Variants in NEK1 observed in about 807,000 individuals in gnomAD.
NEK1 encodes the protein NIMA related kinase 1.
Under a neutral mutation model 182.1 loss-of-function variants are expected in NEK1, and 137 were observed. The ratio of observed to expected loss-of-function variants is 0.75; its 90% CI spans 0.65 to 0.87. NEK1 has a LOEUF of 0.87. NEK1 is among the 40% of genes least tolerant of loss of function. NEK1 has a pLI of 0.00. For missense variants in NEK1, 1,391 were observed against 1,494.4 expected (o/e 0.93, Z 1.14); for synonymous variants, 513 against 492.2 (o/e 1.04, Z -0.56).
At chr4:169,514,678 T>C (rs900805890) in intron 19 of NEK1, among the ~76,000 whole-genome samples, 3 of 152,242 alleles carry the variant, frequency 2.0e-5, no homozygotes, top group African/African-American at 7.2e-5. Flanking sequence ...ATCCTTTTAA[T>C]TGTTACAAGA....
At chr4:169,593,164 T>C (rs1466098142) in intron 5 of NEK1, among the ~76,000 whole-genome samples, 1 of 151,078 alleles carries the variant, frequency 6.6e-6, no homozygotes, top group African/African-American at 2.4e-5. Context: ...AAAAAATTAA[T>C]GAAAGAGCTC....
intron 4 of NEK1, among the ~76,000 whole-genome samples, chr4:169,599,628 T>C (rs1049950399): frequency 1.3e-5 from 2 of 152,192 alleles, no homozygotes; most frequent in African/African-American, 4.8e-5. Flanking sequence ...TCCACTTTAA[T>C]CACTTACTTA....
chr4:169,437,848 A>G (rs1326862691), intron 28 of NEK1, among the ~76,000 whole-genome samples: 1 of 152,164 alleles, frequency 6.6e-6, no homozygotes, highest in African/African-American at 2.4e-5. Flanking sequence ...TCTTGACTCA[A>G]TTCCTGGCAC....
chr4:169,496,736 G>T (rs527630589), intron 23 of NEK1, among the ~76,000 whole-genome samples: 118 of 151,942 alleles, frequency 7.8e-4, no homozygotes, highest in African/African-American at 2.8e-3. Flanking sequence ...AACCAGCCTT[G>T]CATCCCAGGG....
chr4:169,588,817 C>G (rs1016004835), intron 7 of NEK1, 82 bp from the exon 8 acceptor site: 6 of 831,358 alleles, frequency 7.2e-6, no homozygotes, highest in Non-Finnish European at 1.2e-5. Flanking sequence ...TACAGCAGAT[C>G]GCATATATGA....
intron 26 of NEK1, among the ~76,000 whole-genome samples, chr4:169,470,149 T>C (rs966676050): frequency 6.6e-6 from 1 of 152,166 alleles, no homozygotes; most frequent in Non-Finnish European, 1.5e-5. Context: ...TATTGATATG[T>C]GTGAATTTGA....
intron 26 of NEK1, among the ~76,000 whole-genome samples, chr4:169,466,892 G>T (rs1745034111): frequency 6.6e-6 from 1 of 151,908 alleles, no homozygotes; most frequent in Non-Finnish European, 1.5e-5. Context: ...GGTTGGGAGG[G>T]AACAAATGTA....
intron 19 of NEK1, among the ~76,000 whole-genome samples, chr4:169,524,266 G>T (rs1756540364): frequency 2.0e-5 from 3 of 151,938 alleles, no homozygotes; most frequent in Admixed American, 6.6e-5. Flanking sequence ...AGTGTTTGGG[G>T]CCAGCCTGAC....
intron 16 of NEK1, among the ~76,000 whole-genome samples, chr4:169,558,689 A>T (rs1762485670): frequency 6.6e-6 from 1 of 152,184 alleles, no homozygotes; most frequent in Non-Finnish European, 1.5e-5. Context: ...ATAACCATAC[A>T]TGTGGAATAT....
chr4:169,505,669 A>G (rs983060833), intron 23 of NEK1, among the ~76,000 whole-genome samples: 1 of 152,230 alleles, frequency 6.6e-6, no homozygotes, highest in Non-Finnish European at 1.5e-5. Flanking sequence ...CCTGGCATAA[A>G]ACAAGCAATA....
chr4:169,585,342 A>G lies in NEK1; in HGVS notation c.807+7T>C. ...TACTGTTTAATTTTAAAGGAAAAAG[A>G]ACTTACCTGAGGAGAGAGAAACTTT... On this transcript the variant is annotated splice_region_variant and intron_variant, in intron 10 of 35. Transcript: ENST00000507142. 2 of 1,609,662 alleles carry G rather than the reference A, an allele frequency of 1.2e-6. No homozygotes were observed. Among genetic ancestry groups the G allele is most frequent in the South Asian group, 2.2e-5 (2 of 90,586 alleles).
intron 26 of NEK1, among the ~76,000 whole-genome samples, chr4:169,465,186 G>A (rs80332862): frequency 2.0e-5 from 3 of 152,052 alleles, no homozygotes; most frequent in Admixed American, 6.6e-5. Flanking sequence ...AAATAGAGTA[G>A]AGAACCCAGA....
chr4:169,549,719 G>A (rs1423823927), intron 18 of NEK1, among the ~76,000 whole-genome samples: 2 of 150,418 alleles, frequency 1.3e-5, no homozygotes, highest in Non-Finnish European at 3.0e-5. Context: ...CACGACACCC[G>A]GTCTTTTTTT....
chr4:169,599,125 T>C lies in NEK1; in HGVS notation c.287A>G (p.Lys96Arg). Reference protein sequence around the residue: ...GDLFKRINAQKGVLFQEDQIL... With the variant: ...GDLFKRINAQRGVLFQEDQIL... ...CTGATCCTCTTGAAACAAAACGCCT[T>C]TCTGAGCATTTATTCGCTTAAACAG... is the stretch of plus-strand genomic sequence containing the variant. The change falls in exon 5 of 36, where the codon AAA becomes AGA. Residue 96 changes from lysine to arginine, a missense_variant. Coordinates refer to ENST00000507142, the MANE Select transcript of NEK1 (RefSeq NM_001199397.3). 4 of 1,613,482 alleles carry C rather than the reference T, an allele frequency of 2.5e-6. No individual in the cohort carries two copies. Among genetic ancestry groups the C allele is most frequent in the Non-Finnish European group, 3.4e-6 (4 of 1,179,708 alleles).
chr4:169,529,368 T>C (rs1035314876), intron 19 of NEK1, among the ~76,000 whole-genome samples: 2 of 152,174 alleles, frequency 1.3e-5, no homozygotes, highest in Non-Finnish European at 2.9e-5. Context: ...CACTGAACTG[T>C]ATACTTTAAA....
intron 23 of NEK1, among the ~76,000 whole-genome samples, chr4:169,487,087 A>G (rs980076782): frequency 2.0e-5 from 3 of 152,218 alleles, no homozygotes; most frequent in African/African-American, 7.2e-5. Flanking sequence ...ATCATTAAAT[A>G]TGTCAAAGAG....
chr4:169,547,806 T>C (rs1171615624), intron 18 of NEK1, among the ~76,000 whole-genome samples: 3 of 152,192 alleles, frequency 2.0e-5, no homozygotes, highest in Non-Finnish European at 4.4e-5. Context: ...TCATGCAGTG[T>C]TTTTCAGCTC....
chr4:169,563,749 G>C (rs138891763), intron 12 of NEK1, among the ~76,000 whole-genome samples: 3 of 152,246 alleles, frequency 2.0e-5, no homozygotes, highest in African/African-American at 4.8e-5. Flanking sequence ...TACTGTATTA[G>C]AACTTACCTT....
rs555189444 is a variant in NEK1 at position 169,536,586 on chromosome 4, T to G, written c.1665+1223A>C. ...ACCATTACAAATTATCATTCAAGCA[T>G]GAGGACAAAATAAGAGCATTTTCCA... On this transcript the variant is annotated intron_variant, in intron 19 of 35. Coordinates refer to ENST00000507142, the MANE Select transcript of NEK1 (RefSeq NM_001199397.3). 1.3e-3 allele frequency among the ~76,000 whole-genome samples: 200 copies of G among 151,920 alleles called. 1 individual carries two copies. Among genetic ancestry groups the G allele is most frequent in the Middle Eastern group, 3.4e-3 (1 of 294 alleles).
Sources: allele counts gnomAD v4.1 joint callset (sites outside exome capture counted in the v4.1 genomes callset), GRCh38; gene constraint gnomAD v4.1.1; transcripts MANE v1.5; gene names NCBI Gene and HGNC (gene_info 2026-07-23, HGNC 2026-07-21).